ASIP: variants seen among roughly 807,000 people sequenced by gnomAD.
ASIP encodes the protein agouti-signaling protein.
Under a neutral mutation model 10.3 loss-of-function variants are expected in ASIP, and 11 were observed. The observed-to-expected ratio is 1.07, with a 90% confidence interval of 0.68 to 1.78. The LOEUF (loss-of-function observed/expected upper bound fraction) is 1.78, where lower values mean the gene tolerates loss of function less well. ASIP is among the 40% of genes most tolerant of loss of function. ASIP has a pLI of 0.00. For synonymous variants in ASIP, 70 were observed against 70.8 expected, an observed-to-expected ratio of 0.99 and a Z score of 0.06; for missense variants, 180 against 169.2, an observed-to-expected ratio of 1.06 and a Z score of -0.35.
upstream of ASIP, among the ~76,000 whole-genome samples, chr20:34,240,730 C>T (rs1165595378): frequency 6.6e-6 from 1 of 152,170 alleles, no homozygotes; most frequent in Non-Finnish European, 1.5e-5. Context: ...CTCAATTAGA[C>T]TGTTTTATTC....
At chr20:34,223,221 A>G (rs1168808471) in intron 1 of ASIP, among the ~76,000 whole-genome samples, 1 of 150,796 alleles carries the variant, frequency 6.6e-6, no homozygotes, top group East Asian at 2.0e-4. Flanking sequence ...CTAGGAAGTG[A>G]GGAGCGTCTC....
chr20:34,187,270 T>G, the ASIP span, among the ~76,000 whole-genome samples: 8 of 152,128 alleles, frequency 5.3e-5, no homozygotes, highest in Admixed American at 1.3e-4. Flanking sequence ...TTTTTTGTAT[T>G]TGGTCATAGC....
At chr20:34,190,870 C>T (rs2034820783), upstream of ASIP, among the ~76,000 whole-genome samples, 1 of 152,218 alleles carries the variant, frequency 6.6e-6, no homozygotes, top group South Asian at 2.1e-4. Flanking sequence ...TTCTGCCCAG[C>T]TTCCTTTCCT....
the ASIP span, among the ~76,000 whole-genome samples, chr20:34,187,398 GTTC>G: frequency 6.0e-4 from 92 of 152,122 alleles, no homozygotes; most frequent in Non-Finnish European, 1.2e-3. Flanking sequence ...GGCCTCTAAA[GTTC>G]TTCTCAGAGA....
intron 1 of ASIP, among the ~76,000 whole-genome samples, chr20:34,248,790 G>C (rs1206540385): frequency 6.8e-6 from 1 of 147,792 alleles, no homozygotes; most frequent in Non-Finnish European, 1.5e-5. Context: ...ACAGAGCAAG[G>C]CCCTATCTAT....
chr20:34,257,042 TTCTTTCTTTC>T (rs1225424044), intron 1 of ASIP, among the ~76,000 whole-genome samples: 1 of 150,110 alleles, frequency 6.7e-6, no homozygotes, highest in Non-Finnish European at 1.5e-5. Context: ...TTCTTTCTTT[TTCTTTCTTTC>T]TCTCTCTCTT....
chr20:34,211,268 TAAATGATCCTCCCAGTTTGGCCTTCCTC>T (rs1407812519), intron 1 of ASIP, among the ~76,000 whole-genome samples: 2 of 152,208 alleles, frequency 1.3e-5, no homozygotes, highest in Non-Finnish European at 2.9e-5. Context: ...CTCCTGATCT[TAAATGATCCTCCCAGTTTGGCCTTCCTC>T]AAATGATCCT....
chr20:34,257,999 C>T (rs965285470), intron 1 of ASIP, among the ~76,000 whole-genome samples: 2 of 152,046 alleles, frequency 1.3e-5, no homozygotes, highest in African/African-American at 4.8e-5. Flanking sequence ...CAAAAATTAG[C>T]TGGGCGTGGT....
At chr20:34,258,066 T>C (rs953940144) in intron 1 of ASIP, among the ~76,000 whole-genome samples, 2 of 151,310 alleles carry the variant, frequency 1.3e-5, no homozygotes, top group African/African-American at 4.9e-5. Flanking sequence ...ATTGCTTGAA[T>C]CCGGGAGGCA....
intron 1 of ASIP, among the ~76,000 whole-genome samples, chr20:34,234,515 T>C (rs2035152491): frequency 2.0e-5 from 3 of 152,094 alleles, no homozygotes; most frequent in South Asian, 2.1e-4. Flanking sequence ...CTTCCTTCCT[T>C]CCTTCCTTCC....
intron 1 of ASIP, among the ~76,000 whole-genome samples, chr20:34,258,892 T>C (rs569500698): frequency 5.3e-5 from 7 of 132,948 alleles, no homozygotes; most frequent in African/African-American, 1.6e-4. Flanking sequence ...TAGTATTATA[T>C]ATATAGTGTA....
chr20:34,221,758 G>A (rs1209689812), intron 1 of ASIP, among the ~76,000 whole-genome samples: 1 of 152,172 alleles, frequency 6.6e-6, no homozygotes, highest in Non-Finnish European at 1.5e-5. Context: ...AATTCTGGCA[G>A]TGAAGGTCTC....
intron 1 of ASIP, among the ~76,000 whole-genome samples, chr20:34,253,023 A>G (rs2035503746): frequency 6.6e-6 from 1 of 152,178 alleles, no homozygotes; most frequent in Non-Finnish European, 1.5e-5. Flanking sequence ...AAGCAGAAAC[A>G]ATTTTTCTTA....
chr20:34,268,947 G>C (rs1421933864), intron 3 of ASIP, 44 bp from the exon 4 acceptor site: 1 of 1,561,368 alleles, frequency 6.4e-7, no homozygotes, highest in East Asian at 2.4e-5. Context: ...GGACCGGAGG[G>C]GTGGGCGTGG....
chr20:34,197,927 C>T (rs1601567820), intron 1 of ASIP, among the ~76,000 whole-genome samples: 1 of 152,272 alleles, frequency 6.6e-6, no homozygotes, highest in East Asian at 1.9e-4. Context: ...AACAAAGACT[C>T]ACCTCCTCTA....
At chr20:34,238,210 A>G (rs553502938), upstream of ASIP, among the ~76,000 whole-genome samples, 6 of 152,254 alleles carry the variant, frequency 3.9e-5, no homozygotes, top group African/African-American at 1.4e-4. Flanking sequence ...GGAAGTCTTA[A>G]TCAATGTTTC....
intron 1 of ASIP, among the ~76,000 whole-genome samples, chr20:34,205,920 TC>T: frequency 6.6e-6 from 1 of 152,146 alleles, no homozygotes; most frequent in Middle Eastern, 3.4e-3. Context: ...GTTCTCCAAG[TC>T]CCCACCCAAC....
chr20:34,197,263 A>C (rs1158406466), intron 1 of ASIP, among the ~76,000 whole-genome samples: 1 of 152,142 alleles, frequency 6.6e-6, no homozygotes, highest in Non-Finnish European at 1.5e-5. Flanking sequence ...CTAGAGGCTG[A>C]GGCAGGAGAA....
intron 1 of ASIP, chr20:34,215,130 T>C: frequency 1.3e-6 from 2 of 1,583,152 alleles, no homozygotes; most frequent in South Asian, 2.2e-5. Context: ...CAGGGTCCAT[T>C]CCTTTATTTA....
Sources: gnomAD v4.1 joint callset for allele counts (sites outside exome capture counted in the v4.1 genomes callset) on GRCh38, gnomAD v4.1.1 for gene constraint, MANE v1.5 for transcripts, NCBI Gene and HGNC (gene_info 2026-07-23, HGNC 2026-07-21) for gene names.